SLC35F4: variants seen among roughly 807,000 people sequenced by gnomAD.
The protein encoded by SLC35F4 is solute carrier family 35 member F4.
A neutral mutation model predicts 44.2 loss-of-function variants in SLC35F4; 24 were observed. The ratio of observed to expected loss-of-function variants is 0.54; its 90% CI spans 0.39 to 0.76. The LOEUF (loss-of-function observed/expected upper bound fraction) is 0.76, where lower values mean the gene tolerates loss of function less well. SLC35F4 is among the 30% of genes least tolerant of loss of function. The pLI, the probability that SLC35F4 is intolerant of heterozygous loss-of-function variation, is 0.00. For missense variants in SLC35F4, 562 were observed against 586.1 expected, an observed-to-expected ratio of 0.96 and a Z score of 0.42; for synonymous variants, 238 against 223.6, an observed-to-expected ratio of 1.06 and a Z score of -0.57.
intron 1 of SLC35F4, among the ~76,000 whole-genome samples, chr14:57,916,415 A>G (rs954828011): frequency 6.6e-6 from 1 of 152,148 alleles, no homozygotes; most frequent in Admixed American, 6.5e-5. Context: ...TTTCTTTATC[A>G]TTGATTTTCT....
At chr14:57,957,340 T>C (rs1231674232) in intron 1 of SLC35F4, among the ~76,000 whole-genome samples, 2 of 151,562 alleles carry the variant, frequency 1.3e-5, no homozygotes, top group Non-Finnish European at 2.9e-5. Flanking sequence ...CTAACGTAGG[T>C]GACAGGTTGA....
rs78057171 is a variant in SLC35F4 at position 57,671,870 on chromosome 14, C to T, written c.104-77746G>A. Among the ~76,000 whole-genome samples, 312 of 152,136 alleles carry T rather than the reference C, an allele frequency of 2.1e-3. 6 individuals carry two copies. The highest frequency in any genetic ancestry group is 7.2e-3 in the African/African-American group (299 of 41,444). On this transcript the variant is annotated intron_variant, in intron 1 of 7. Transcript: ENST00000556826. The stretch of plus-strand genomic sequence containing the variant: ...TTATAGTTGACACTCTATTAATTCT[C>T]CCCATGAAATCAGGCTAAGTGTGAG...
intron 1 of SLC35F4, among the ~76,000 whole-genome samples, chr14:57,862,980 T>A (rs1387462932): frequency 6.6e-6 from 1 of 152,220 alleles, no homozygotes; most frequent in Admixed American, 6.5e-5. Flanking sequence ...AATGAATGAA[T>A]CTATTCCCTA....
chr14:57,617,068 T>C (rs192771614), intron 1 of SLC35F4, among the ~76,000 whole-genome samples: 22 of 151,568 alleles, frequency 1.5e-4, no homozygotes, highest in African/African-American at 5.1e-4. Context: ...TAGATTAGAC[T>C]CTTTCCCATT....
downstream of SLC35F4, among the ~76,000 whole-genome samples, chr14:57,971,799 G>A (rs1427059679): frequency 6.6e-6 from 1 of 152,200 alleles, no homozygotes; most frequent in Admixed American, 6.5e-5. Flanking sequence ...AGGTGGGAAA[G>A]TTCTAGCATC....
At chr14:57,976,569 T>C (rs1881225164), downstream of SLC35F4, among the ~76,000 whole-genome samples, 1 of 152,168 alleles carries the variant, frequency 6.6e-6, no homozygotes, top group South Asian at 2.1e-4. Context: ...TTACAGCACA[T>C]AGGGCTGGCA....
chr14:57,917,927 A>G (rs1889362360), intron 1 of SLC35F4, among the ~76,000 whole-genome samples: 1 of 151,834 alleles, frequency 6.6e-6, no homozygotes, highest in South Asian at 2.1e-4. Flanking sequence ...TCCCCTCCTC[A>G]CCTTTAGCTG....
chr14:57,605,506 G>T (rs2071106827), intron 1 of SLC35F4, among the ~76,000 whole-genome samples: 1 of 152,128 alleles, frequency 6.6e-6, no homozygotes, highest in African/African-American at 2.4e-5. Context: ...TACTGTTGGT[G>T]GGAATGCAAA....
chr14:57,705,851 T>A (rs1002591757), intron 1 of SLC35F4, among the ~76,000 whole-genome samples: 12 of 152,198 alleles, frequency 7.9e-5, no homozygotes, highest in African/African-American at 2.9e-4. Context: ...CTTATATAGA[T>A]GTTTCCTCGA....
At chr14:57,741,678 G>A (rs2076612927) in intron 1 of SLC35F4, among the ~76,000 whole-genome samples, 1 of 152,166 alleles carries the variant, frequency 6.6e-6, no homozygotes, top group Non-Finnish European at 1.5e-5. Flanking sequence ...ATATTATCCA[G>A]GAGAACTTCC....
chr14:57,596,901 A>G (rs755497900), intron 1 of SLC35F4: 1 of 1,366,304 alleles, frequency 7.3e-7, no homozygotes, highest in South Asian at 1.1e-5. Flanking sequence ...CATCCATGAC[A>G]GACATTTTAA....
At chr14:57,967,215 C>T (rs547271938) in intron 1 of SLC35F4, among the ~76,000 whole-genome samples, 3 of 151,938 alleles carry the variant, frequency 2.0e-5, no homozygotes, top group Non-Finnish European at 4.4e-5. Flanking sequence ...TGAAAGAAGA[C>T]AATTTTAAGG....
chr14:57,618,182 A>G (rs972211693), intron 1 of SLC35F4, among the ~76,000 whole-genome samples: 3 of 152,250 alleles, frequency 2.0e-5, no homozygotes, highest in African/African-American at 7.2e-5. Context: ...TTAAAATAAA[A>G]TGTGAAAAGA....
chr14:57,785,970 G>T (rs2077747287), intron 1 of SLC35F4, among the ~76,000 whole-genome samples: 1 of 152,152 alleles, frequency 6.6e-6, no homozygotes, highest in African/African-American at 2.4e-5. Flanking sequence ...ACAGGCAGGG[G>T]AAGAACCAAG....
At chr14:57,781,247 G>A (rs202244549) in intron 1 of SLC35F4, among the ~76,000 whole-genome samples, 1 of 151,948 alleles carries the variant, frequency 6.6e-6, no homozygotes, top group Non-Finnish European at 1.5e-5. Context: ...ATTAAAAAGT[G>A]GGCAAAAAAA....
rs759037043 is a variant in SLC35F4 at position 57,606,275 on chromosome 14, T to C, written c.104-12151A>G. On this transcript the variant is annotated intron_variant, in intron 1 of 7. Transcript: ENST00000556826. ...CATCTCTTTCTTTTAGGTGGCAAGA[T>C]ACTGGCATTAAGACTGCAAGACTAC... Among the ~76,000 whole-genome samples the C allele has an allele frequency of 2.0e-5, 3 of 152,176 alleles. No individual in the cohort carries two copies. The East Asian group carries it at 5.8e-4, about 29-fold the overall frequency.
At chr14:57,970,434 C>G (rs1256500602) in intron 1 of SLC35F4, among the ~76,000 whole-genome samples, 2 of 152,138 alleles carry the variant, frequency 1.3e-5, no homozygotes, top group Non-Finnish European at 2.9e-5. Flanking sequence ...TCTGCCCTGT[C>G]AGCTCAGAAA....
intron 1 of SLC35F4, among the ~76,000 whole-genome samples, chr14:57,915,508 A>C (rs190533618): frequency 6.6e-6 from 1 of 152,242 alleles, no homozygotes; most frequent in Non-Finnish European, 1.5e-5. Flanking sequence ...TATCTTCTTC[A>C]CATCTCACTA....
At chr14:57,783,597 A>T (rs6573166) in intron 1 of SLC35F4, among the ~76,000 whole-genome samples, 75,936 of 152,094 alleles carry the variant, frequency 0.5, 22,369 homozygotes, top group African/African-American at 0.81. Flanking sequence ...CAATCTTTTG[A>T]TTGTGCAACA....
Sources: allele counts gnomAD v4.1 joint callset (sites outside exome capture counted in the v4.1 genomes callset), GRCh38; gene constraint gnomAD v4.1.1; transcripts MANE v1.5; gene names NCBI Gene and HGNC (gene_info 2026-07-23, HGNC 2026-07-21).